Variants in FNBP1 observed in about 807,000 individuals in gnomAD.
The protein encoded by FNBP1 is formin binding protein 1, also known as formin-binding protein 1.
A neutral mutation model predicts 90.6 loss-of-function variants in FNBP1; 26 were observed. That is an observed-to-expected ratio of 0.29 (90% CI 0.21 to 0.40). The LOEUF is 0.40. Ranked by LOEUF, FNBP1 falls within the 10% of genes least tolerant of loss-of-function variation. The pLI, the probability that FNBP1 is intolerant of heterozygous loss-of-function variation, is 1.00. For missense variants in FNBP1, 635 were observed against 768.0 expected, an observed-to-expected ratio of 0.83 and a Z score of 2.05; for synonymous variants, 260 against 265.2, an observed-to-expected ratio of 0.98 and a Z score of 0.19.
chr9:129,895,279 A>G, intron 16 of FNBP1: 4 of 1,058,938 alleles, frequency 3.8e-6, no homozygotes, highest in Non-Finnish European at 4.6e-6. Context: ...CCAATATAAG[A>G]ATCTTATTTA....
intron 2 of FNBP1, among the ~76,000 whole-genome samples, chr9:129,981,573 T>G (rs1346116552): frequency 6.6e-6 from 1 of 152,162 alleles, no homozygotes; most frequent in Non-Finnish European, 1.5e-5. Flanking sequence ...GATCATGGTA[T>G]GTTTTGCATA....
intron 8 of FNBP1, among the ~76,000 whole-genome samples, chr9:129,926,440 A>G (rs2041922191): frequency 6.6e-6 from 1 of 152,298 alleles, no homozygotes. Flanking sequence ...CTCCCAGAGG[A>G]CATGTGACAA....
intron 10 of FNBP1, among the ~76,000 whole-genome samples, chr9:129,923,375 T>C (rs962635995): frequency 7.2e-5 from 11 of 151,880 alleles, no homozygotes; most frequent in African/African-American, 2.7e-4. Context: ...GGTCAAGAGA[T>C]CGAGACCATC....
chr9:130,008,131 G>A, intron 1 of FNBP1, among the ~76,000 whole-genome samples: 1 of 150,810 alleles, frequency 6.6e-6, no homozygotes, highest in East Asian at 1.9e-4. Context: ...GATCACTTGA[G>A]CCCAGGAGTT....
intron 6 of FNBP1, among the ~76,000 whole-genome samples, chr9:129,936,887 T>C (rs2043543498): frequency 6.6e-6 from 1 of 152,092 alleles, no homozygotes; most frequent in African/African-American, 2.4e-5. Context: ...ATAAAACTAA[T>C]GGCCAGGTGC....
At chr9:129,952,367 C>A (rs1172226441) in intron 6 of FNBP1, among the ~76,000 whole-genome samples, 1 of 151,864 alleles carries the variant, frequency 6.6e-6, no homozygotes, top group Non-Finnish European at 1.5e-5. Context: ...GGTGTGGTGG[C>A]AGGCACCTTA....
rs969239799 is a variant in FNBP1 at position 129,974,109 on chromosome 9, A to G, written c.345+4356T>C. Among the ~76,000 whole-genome samples the G allele has an allele frequency of 2.0e-5, 3 of 152,186 alleles. No homozygotes were observed. The East Asian group carries it at 5.8e-4, about 29-fold the overall frequency. Reference sequence around the variant, plus strand: ...ATTGCTGGGATTACAGGCGTGAGTCACCGCGCCCAGCCAAACAGCTCTTTT... The same window carrying G: ...ATTGCTGGGATTACAGGCGTGAGTCGCCGCGCCCAGCCAAACAGCTCTTTT... On this transcript the variant is annotated intron_variant, in intron 4 of 16. Transcript: ENST00000446176.
intron 16 of FNBP1, 135 bp downstream of exon 16, chr9:129,895,703 C>T (rs2035595106): frequency 2.9e-6 from 4 of 1,366,814 alleles, no homozygotes; most frequent in East Asian, 2.8e-5. Flanking sequence ...CGTGAGACTA[C>T]AGGAGAACGT....
intron 12 of FNBP1, among the ~76,000 whole-genome samples, chr9:129,905,294 G>GTGTGTATATATATATA (rs374989661): frequency 1.5e-5 from 2 of 132,346 alleles, no homozygotes; most frequent in African/African-American, 2.9e-5. Context: ...GTGTGTGTGT[G>GTGTGTATATATATATA]TATATATATA....
chr9:129,995,110 TA>T, intron 1 of FNBP1, among the ~76,000 whole-genome samples, 152 bp from the exon 2 acceptor site: 1 of 152,368 alleles, frequency 6.6e-6, no homozygotes, highest in Non-Finnish European at 1.5e-5. Flanking sequence ...TGAGCCATTT[TA>T]AATCAACATT....
chr9:129,983,507 T>C (rs1589064327), intron 2 of FNBP1, among the ~76,000 whole-genome samples: 1 of 152,264 alleles, frequency 6.6e-6, no homozygotes, highest in Non-Finnish European at 1.5e-5. Context: ...GCCCTATTTG[T>C]ATTACCGTTA....
intron 1 of FNBP1, among the ~76,000 whole-genome samples, chr9:130,008,071 G>A (rs7875441): frequency 0.84 from 124,717 of 148,178 alleles, 52,926 homozygotes; most frequent in Non-Finnish European, 0.89. Flanking sequence ...TCTGCTGGGC[G>A]TCATGGCTCA....
chr9:129,938,811 A>G (rs1230855862), intron 6 of FNBP1, among the ~76,000 whole-genome samples: 1 of 152,078 alleles, frequency 6.6e-6, no homozygotes, highest in African/African-American at 2.4e-5. Flanking sequence ...TCTCATCATG[A>G]TGTTGGCAAG....
At chr9:129,892,972 A>G (rs908276022) in intron 16 of FNBP1, among the ~76,000 whole-genome samples, 1 of 152,238 alleles carries the variant, frequency 6.6e-6, no homozygotes, top group African/African-American at 2.4e-5. Context: ...TGAATAATCA[A>G]GAAAAAAATA....
chr9:129,961,223 G>C (rs981048558), intron 4 of FNBP1, among the ~76,000 whole-genome samples: 1 of 152,082 alleles, frequency 6.6e-6, no homozygotes, highest in Admixed American at 6.5e-5. Flanking sequence ...TGAGGCAGGA[G>C]AATCACTTGA....
chr9:129,946,113 G>A (rs1169175401), intron 6 of FNBP1, among the ~76,000 whole-genome samples: 4 of 152,082 alleles, frequency 2.6e-5, no homozygotes, highest in African/African-American at 9.7e-5. Context: ...AAGTTGCAGT[G>A]AGCTGAGACG....
At chr9:129,995,086 G>T in intron 1 of FNBP1, 128 bp from the exon 2 acceptor site, 1 of 619,112 alleles carries the variant, frequency 1.6e-6, no homozygotes, top group East Asian at 3.0e-5. Flanking sequence ...ATTATACTTG[G>T]GGTGCTTTTT....
intron 6 of FNBP1, among the ~76,000 whole-genome samples, chr9:129,940,193 T>A (rs2044116506): frequency 6.6e-6 from 1 of 152,036 alleles, no homozygotes; most frequent in East Asian, 1.9e-4. Flanking sequence ...GGTGACAGAA[T>A]AAGACCCTCT....
chr9:130,026,823 G>A (rs775501086), intron 1 of FNBP1, among the ~76,000 whole-genome samples: 2 of 151,730 alleles, frequency 1.3e-5, no homozygotes, highest in Non-Finnish European at 2.9e-5. Context: ...AAAATTAGAT[G>A]GGCATGGTGC....
Sources: gnomAD v4.1 joint callset for allele counts (sites outside exome capture counted in the v4.1 genomes callset) on GRCh38, gnomAD v4.1.1 for gene constraint, MANE v1.5 for transcripts, NCBI Gene and HGNC (gene_info 2026-07-23, HGNC 2026-07-21) for gene names.